NALCN: variants seen among roughly 807,000 people sequenced by gnomAD.
The protein encoded by NALCN is sodium leak channel NALCN.
A neutral mutation model predicts 225.3 loss-of-function variants in NALCN; 111 were observed. That is an observed-to-expected ratio of 0.49 (90% CI 0.42 to 0.58). The LOEUF is 0.58. NALCN is among the 20% of genes least tolerant of loss of function. NALCN has a pLI of 0.00. For missense variants in NALCN, 1,378 were observed against 2,202.4 expected, an observed-to-expected ratio of 0.63 and a Z score of 7.49; for synonymous variants, 764 against 769.0, an observed-to-expected ratio of 0.99 and a Z score of 0.11.
intron 7 of NALCN, among the ~76,000 whole-genome samples, chr13:101,307,245 C>T (rs1227995045): frequency 1.3e-5 from 2 of 152,172 alleles, no homozygotes; most frequent in African/African-American, 4.8e-5. Context: ...CATTAGACAG[C>T]TCCAACCCAT....
chr13:101,197,186 A>G (rs1237224654), intron 13 of NALCN, among the ~76,000 whole-genome samples: 5 of 152,104 alleles, frequency 3.3e-5, no homozygotes, highest in Non-Finnish European at 7.4e-5. Context: ...GGGGAATTTG[A>G]GTATACGGTT....
At chr13:101,194,894 C>T (rs769619290) in intron 13 of NALCN, among the ~76,000 whole-genome samples, 1 of 152,168 alleles carries the variant, frequency 6.6e-6, no homozygotes, top group Non-Finnish European at 1.5e-5. Context: ...ATCCCAGCTA[C>T]TCGGGAGGCT....
intron 7 of NALCN, among the ~76,000 whole-genome samples, chr13:101,340,038 C>T (rs1211867583): frequency 6.7e-6 from 1 of 150,338 alleles, no homozygotes; most frequent in Non-Finnish European, 1.5e-5. Flanking sequence ...GAGGCCGAGG[C>T]GGGTGGATCA....
intron 9 of NALCN, among the ~76,000 whole-genome samples, chr13:101,286,365 T>C (rs1199286555): frequency 6.6e-6 from 1 of 152,138 alleles, no homozygotes; most frequent in African/African-American, 2.4e-5. Flanking sequence ...TACAGGACTA[T>C]AGGATGCAAG....
chr13:101,251,921 C>T (rs774318326), intron 11 of NALCN, among the ~76,000 whole-genome samples: 5 of 152,130 alleles, frequency 3.3e-5, no homozygotes, highest in African/African-American at 4.8e-5. Flanking sequence ...TTTAGTCTAC[C>T]ACAATAGAGA....
At chr13:101,057,607 ACTTTTGC>A (rs1316056151) in intron 43 of NALCN, 30 of 305,440 alleles carry the variant, frequency 9.8e-5, no homozygotes, top group Middle Eastern at 1.1e-3. Context: ...TCAGTTGAAT[ACTTTTGC>A]CCATGTTTGA....
intron 14 of NALCN, chr13:101,180,966 TGAA>T (rs1317214541): frequency 2.3e-6 from 1 of 433,690 alleles, no homozygotes; most frequent in Non-Finnish European, 4.6e-6. Context: ...CACGCAAGTG[TGAA>T]GAAGGAGGAC....
chr13:101,368,013 A>ATT (rs2139388594), intron 6 of NALCN, among the ~76,000 whole-genome samples: 1 of 115,072 alleles, frequency 8.7e-6, no homozygotes, highest in Admixed American at 8.6e-5. Context: ...TTATTTTATT[A>ATT]TTATTATACT....
intron 40 of NALCN, among the ~76,000 whole-genome samples, chr13:101,064,697 A>G (rs938582885): frequency 3.3e-5 from 5 of 152,034 alleles, no homozygotes; most frequent in Non-Finnish European, 5.9e-5. Flanking sequence ...GCTAGGCTAG[A>G]TTCTCCCTCA....
intron 3 of NALCN, among the ~76,000 whole-genome samples, chr13:101,387,976 A>G (rs1489549782): frequency 1.3e-5 from 2 of 152,210 alleles, no homozygotes; most frequent in Non-Finnish European, 2.9e-5. Context: ...TTTTGAATAT[A>G]AGAAAATAAT....
At chr13:101,072,689 T>C (rs2032978171) in intron 37 of NALCN, among the ~76,000 whole-genome samples, 1 of 152,194 alleles carries the variant, frequency 6.6e-6, no homozygotes, top group Non-Finnish European at 1.5e-5. Flanking sequence ...AAGAAAGACA[T>C]AGGCGGCCCT....
intron 6 of NALCN, among the ~76,000 whole-genome samples, chr13:101,376,432 G>A (rs560658662): frequency 6.6e-6 from 1 of 152,064 alleles, no homozygotes; most frequent in Non-Finnish European, 1.5e-5. Context: ...AAGGAGAAAC[G>A]CTTGAACCCG....
chr13:101,342,523 C>G (rs1361550593), intron 7 of NALCN, among the ~76,000 whole-genome samples: 1 of 152,128 alleles, frequency 6.6e-6, no homozygotes, highest in Non-Finnish European at 1.5e-5. Context: ...GCTCTGATTC[C>G]CTGACTCAAA....
intron 39 of NALCN, among the ~76,000 whole-genome samples, chr13:101,066,623 T>A (rs1442880428): frequency 6.6e-6 from 1 of 152,074 alleles, no homozygotes; most frequent in Non-Finnish European, 1.5e-5. Context: ...TGGGTGACAG[T>A]TACAGAGAGA....
intron 3 of NALCN, among the ~76,000 whole-genome samples, chr13:101,393,607 G>C (rs528995378): frequency 6.6e-6 from 1 of 152,090 alleles, no homozygotes; most frequent in Non-Finnish European, 1.5e-5. Flanking sequence ...ACCTGAGGTC[G>C]GGAGTTCAAG....
In NALCN at chr13:101,095,689, G is replaced by C. The variant is rs768440500; in HGVS notation, c.3163-9C>G. On this transcript the variant is annotated splice_polypyrimidine_tract_variant and intron_variant, in intron 27 of 43. Transcript: ENST00000251127. ...ATGCCATTGCAATCTTCCTAAAGTA[G>C]AAAAACAAGAGGAGAGGGGAAACCT... 2 of 1,598,266 alleles carry C rather than the reference G, an allele frequency of 1.3e-6. No individual in the cohort carries two copies. Among genetic ancestry groups the C allele is most frequent in the Middle Eastern group, 1.7e-4 (1 of 6,020 alleles).
chr13:101,218,890 C>T (rs1172901461), intron 13 of NALCN, among the ~76,000 whole-genome samples: 1 of 152,080 alleles, frequency 6.6e-6, no homozygotes, highest in Non-Finnish European at 1.5e-5. Context: ...ATTACCCAGT[C>T]TCAGATATTT....
At chr13:101,368,364 T>C (rs2046440385) in intron 6 of NALCN, among the ~76,000 whole-genome samples, 2 of 152,158 alleles carry the variant, frequency 1.3e-5, no homozygotes, top group South Asian at 4.2e-4. Flanking sequence ...TAGTATTCCA[T>C]GGTGTATATG....
intron 7 of NALCN, among the ~76,000 whole-genome samples, chr13:101,310,732 G>A (rs1279708954): frequency 6.6e-6 from 1 of 151,944 alleles, no homozygotes; most frequent in Non-Finnish European, 1.5e-5. Context: ...AGCACATAGT[G>A]GGTCCTCAAT....
Sources: allele counts gnomAD v4.1 joint callset (sites outside exome capture counted in the v4.1 genomes callset), GRCh38; gene constraint gnomAD v4.1.1; transcripts MANE v1.5; gene names NCBI Gene and HGNC (gene_info 2026-07-23, HGNC 2026-07-21).